The following NR2E3 variants were observed in gnomAD, a reference collection of about 807,000 sequenced individuals.
NR2E3 encodes the protein nuclear receptor subfamily 2 group E member 3.
NR2E3 carries 38 observed loss-of-function variants against 37.6 expected under a neutral mutation model. That is an observed-to-expected ratio of 1.01 (90% CI 0.78 to 1.33). The LOEUF is 1.33. Among genes scored for constraint, NR2E3 ranks in the 40% most tolerant of loss-of-function variants. The pLI is 0.00. For synonymous variants in NR2E3, 235 were observed against 225.1 expected (o/e 1.04, Z -0.39); for missense variants, 562 against 558.7 (o/e 1.01, Z -0.06).
At chr15:71,815,411 T>C (rs1161434947) in intron 7 of NR2E3, among the ~76,000 whole-genome samples, 1 of 152,212 alleles carries the variant, frequency 6.6e-6, no homozygotes, top group Non-Finnish European at 1.5e-5. Flanking sequence ...CTTATGAGCA[T>C]AGGGAGAACG....
Position 71,812,048 on chromosome 15 carries a change from C to T in NR2E3, c.443C>T (p.Ala148Val). 1 of 1,553,590 alleles carries T rather than the reference C, an allele frequency of 6.4e-7. No individual in the cohort carries two copies. The highest frequency in any genetic ancestry group is 1.2e-5 in the South Asian group (1 of 84,198). ...GAGTCCCGGCCGGAGTCCCTGGTGG[C>T]TCCCCCGGCCCCGGCAGGGCGCAGC... Reference protein sequence around the residue: ...NTESRPESLVAPPAPAGRSPR... With the variant: ...NTESRPESLVVPPAPAGRSPR... Residue 148 changes from alanine to valine, a missense_variant, in exon 4 of 8, where the codon GCT becomes GTT. Coordinates refer to ENST00000617575, the MANE Select transcript of NR2E3 (RefSeq NM_014249.4).
At position 71,812,428 on chromosome 15, in the gene NR2E3, G is replaced by A. The variant is rs371945959; in HGVS notation, c.664G>A (p.Glu222Lys). Residue 222 changes from glutamate to lysine, a missense_variant, in exon 5 of 8, where the codon GAG becomes AAG. Coordinates refer to ENST00000617575, the MANE Select transcript of NR2E3 (RefSeq NM_014249.4). Reference sequence around the variant, plus strand: ...CCCCTGCGGCCTGGACAGCATCCATGAGACCTCGGCTCGCCTACTCTTCAT... The same window carrying A: ...CCCCTGCGGCCTGGACAGCATCCATAAGACCTCGGCTCGCCTACTCTTCAT... ...SSPCGLDSIHETSARLLFMAV... is the reference protein window; with the variant it reads ...SSPCGLDSIHKTSARLLFMAV... 3.8e-5 allele frequency: 62 copies of A among 1,613,834 alleles called. No homozygotes were observed. Among genetic ancestry groups the A allele is most frequent in the Middle Eastern group, 1.6e-4 (1 of 6,084 alleles).
rs915445968 is a variant in NR2E3 at position 71,817,925 on chromosome 15, G to C, written c.*241G>C. 3.1e-6 allele frequency: 1 copy of C among 327,424 alleles called. No individual in the cohort carries two copies. The highest frequency in any genetic ancestry group is 5.6e-6 in the Non-Finnish European group (1 of 177,854). 20.3% of individuals were successfully genotyped at this position (327,424 alleles called of 1,614,324 possible). ...CATATAATGAAAAATAATTTAAAAA[G>C]AATGAATTACGGATACATGTGGCAA... is the stretch of plus-strand genomic sequence containing the variant. On this transcript the variant is annotated 3_prime_UTR_variant, in exon 8 of 8. Transcript: ENST00000617575.
At position 71,813,349 on chromosome 15, in the gene NR2E3, C is replaced by T. The variant is rs373126332; in HGVS notation, c.748-40C>T. The T allele has an allele frequency of 1.4e-4, 218 of 1,598,942 alleles. 1 individual carries two copies. Among genetic ancestry groups the T allele is most frequent in the Middle Eastern group, 1.1e-3 (6 of 5,664 alleles). On this transcript the variant is annotated intron_variant, in intron 5 of 7. Transcript: ENST00000617575. This position sits in a 1 kb window ranked among gnomAD's most constrained non-coding sequence, Gnocchi z 4.7. ...GAGGCTCCAGACTGAGCCAGAGAAG[C>T]TGTGTGTCTGCCATAACAGGCACCC...
At position 71,814,059 on chromosome 15, in the gene NR2E3, C is replaced by T. The variant is rs1448244599; in HGVS notation, c.1042C>T (p.Gln348Ter). The T allele has an allele frequency of 6.2e-7, 1 of 1,612,916 alleles. No individual in the cohort carries two copies. The highest frequency in any genetic ancestry group is 1.3e-5 in the African/African-American group (1 of 75,022). The change falls in exon 7 of 8, where the codon CAG (glutamine) becomes TAG (stop). Residue 348 changes from glutamine (Q) to a stop codon, truncating the protein, a stop_gained. Coordinates refer to ENST00000617575, the MANE Select transcript of NR2E3 (RefSeq NM_014249.4). LOFTEE classifies it high-confidence loss of function. ...TGAGCACGTAGAGGCCTTGCAGGAC[C>T]AGTCCCAAGTGATGCTGAGCCAGCA... ...DPEHVEALQD[Q>*]SQVMLSQHSK...
At chr15:71,815,168 G>T (rs752075246) in intron 7 of NR2E3, among the ~76,000 whole-genome samples, 2 of 152,164 alleles carry the variant, frequency 1.3e-5, no homozygotes, top group Non-Finnish European at 2.9e-5. Flanking sequence ...ATGTCATGGA[G>T]CCTCAGCAAG....
In NR2E3 at chr15:71,812,220, C is replaced by G. The variant is rs372602322; in HGVS notation, c.571+44C>G. ...GAGGGCACAGCAGGGCTTGGCTTCC[C>G]GGGTCACAGCAGGGCTGCAGCGCCT... On this transcript the variant is annotated intron_variant, in intron 4 of 7. Coordinates refer to ENST00000617575, the MANE Select transcript of NR2E3 (RefSeq NM_014249.4). 90 of 1,604,092 alleles carry G rather than the reference C, an allele frequency of 5.6e-5. 1 individual carries two copies. The African/African-American group carries it at 8.8e-4, about 16-fold the overall frequency.
Position 71,813,469 on chromosome 15 carries a change from T to C in NR2E3, c.828T>C (p.Pro276=), listed in dbSNP as rs1486864872. ...IQWSLPLDSC[P]LLAPPEASAA... ...GGTCTCTGCCTCTGGACAGCTGTCCTCTGCTGGCACCGCCCGAGGCCTCTG... is the reference window on the plus strand; with the variant it reads ...GGTCTCTGCCTCTGGACAGCTGTCCCCTGCTGGCACCGCCCGAGGCCTCTG... The change falls in exon 6 of 8, where the codon CCT becomes CCC. Residue 276 remains proline, a synonymous_variant. Transcript: ENST00000617575. The surrounding 1 kb of genome is among the most constrained non-coding windows in gnomAD (Gnocchi z 4.7). 1 of 1,610,398 alleles carries C rather than the reference T, an allele frequency of 6.2e-7. No homozygotes were observed. The highest frequency in any genetic ancestry group is 1.7e-5 in the Admixed American group (1 of 59,436).
intron 7 of NR2E3, 116 bp downstream of exon 7, chr15:71,814,233 G>A: frequency 6.8e-7 from 1 of 1,468,192 alleles, no homozygotes; most frequent in East Asian, 2.5e-5. Context: ...CAGTTCAACA[G>A]CATACAGCCA....
rs1186774094 is a variant in NR2E3 at position 71,818,152 on chromosome 15, A to G, written c.*468A>G. On this transcript the variant is annotated 3_prime_UTR_variant, in exon 8 of 8. Transcript: ENST00000617575. ...CAGAAATGTTGATTTTGATCTGGGCAGTGGTTTCACAAATGTATTCATACG... is the reference window on the plus strand; with the variant it reads ...CAGAAATGTTGATTTTGATCTGGGCGGTGGTTTCACAAATGTATTCATACG... 6.5e-6 allele frequency: 1 copy of G among 153,242 alleles called. No individual in the cohort carries two copies. Among genetic ancestry groups the G allele is most frequent in the African/African-American group, 2.4e-5 (1 of 41,444 alleles). 9.5% of individuals were successfully genotyped at this position (153,242 alleles called of 1,614,324 possible). A position where few individuals can be genotyped will look rare whatever the true frequency, so the allele number is the denominator to read the frequency against.
Position 71,813,489 on chromosome 15 carries a change from C to T in NR2E3, c.848C>T (p.Ala283Val), listed in dbSNP as rs1310882430. 6.2e-7 allele frequency: 1 copy of T among 1,611,906 alleles called. No homozygotes were observed. The highest frequency in any genetic ancestry group is 1.1e-5 in the South Asian group (1 of 90,644). ...DSCPLLAPPE[A>V]SAAGGAQGRL... ...TGTCCTCTGCTGGCACCGCCCGAGGCCTCTGCTGCCGGTGGTGCCCAGGGC... is the reference window on the plus strand; with the variant it reads ...TGTCCTCTGCTGGCACCGCCCGAGGTCTCTGCTGCCGGTGGTGCCCAGGGC... The change falls in exon 6 of 8, where the codon GCC (alanine) becomes GTC (valine). Residue 283 changes from alanine to valine, a missense_variant. Ala to Val is a moderately conservative substitution (Grantham distance 64, BLOSUM62 0). Coordinates refer to ENST00000617575, the MANE Select transcript of NR2E3 (RefSeq NM_014249.4). The surrounding 1 kb of genome is among the most constrained non-coding windows in gnomAD (Gnocchi z 4.7).
chr15:71,812,598 C>G, intron 5 of NR2E3, 87 bp downstream of exon 5: 1 of 1,175,144 alleles, frequency 8.5e-7, no homozygotes, highest in Admixed American at 2.7e-5. Flanking sequence ...ACACACATCC[C>G]CACGCCAGTA....
rs1198669544 is a variant in NR2E3, at chr15:71,813,377, G to C, written c.748-12G>C. 6.2e-7 allele frequency: 1 copy of C among 1,609,556 alleles called. No homozygotes were observed. Among genetic ancestry groups the C allele is most frequent in the Admixed American group, 1.7e-5 (1 of 59,476 alleles). On this transcript the variant is annotated splice_polypyrimidine_tract_variant and intron_variant, in intron 5 of 7. Transcript: ENST00000617575. The surrounding 1 kb of genome is among the most constrained non-coding windows in gnomAD (Gnocchi z 4.7). ...TGTGTCTGCCATAACAGGCACCCCT[G>C]TCTGAGCACAGGTGATCCTGCTGGA...
At position 71,810,764 on chromosome 15, in the gene NR2E3, T is replaced by C. The variant is rs1365738203; in HGVS notation, c.21T>C (p.Ala7=). Residue 7 remains alanine (A), a synonymous_variant, in exon 1 of 8, where the codon GCT becomes GCC. Transcript: ENST00000617575. METRPT[A]LMSSTVAAAA... The stretch of plus-strand genomic sequence containing the variant: ...AACCCATGGAGACCAGACCAACAGC[T>C]CTGATGAGCTCCACAGTGGCTGCAG... 1 of 1,573,570 alleles carries C rather than the reference T, an allele frequency of 6.4e-7. No homozygotes were observed. The highest frequency in any genetic ancestry group is 8.6e-7 in the Non-Finnish European group (1 of 1,160,136).
intron 7 of NR2E3, among the ~76,000 whole-genome samples, chr15:71,816,488 CT>C (rs1318666789): frequency 6.6e-6 from 1 of 152,034 alleles, no homozygotes; most frequent in Non-Finnish European, 1.5e-5. Flanking sequence ...TCTCGATCTC[CT>C]GACCTCGTGT....
chr15:71,811,569 G>A lies in NR2E3; in HGVS notation c.205G>A (p.Gly69Ser), dbSNP rs200102936. ...YGIYACNGCSGFFKRSVRRRL... is the reference protein window; with the variant it reads ...YGIYACNGCSSFFKRSVRRRL... ...CATCTATGCCTGCAACGGCTGCAGC[G>A]GCTTCTTCAAGAGGAGCGTACGGCG... The change falls in exon 2 of 8, where the codon GGC becomes AGC. Residue 69 changes from glycine (G) to serine (S), a missense_variant. Gly to Ser is a moderately conservative substitution (Grantham distance 56). Transcript: ENST00000617575. The surrounding 1 kb of genome is among the most constrained non-coding windows in gnomAD (Gnocchi z 5.6). 843 of 1,603,650 alleles carry A rather than the reference G, an allele frequency of 5.3e-4. 1 individual carries two copies. Among genetic ancestry groups the A allele is most frequent in the Non-Finnish European group, 6.7e-4 (790 of 1,175,822 alleles).
At position 71,813,608 on chromosome 15, in the gene NR2E3, A is replaced by G; in HGVS notation, c.967A>G (p.Met323Val). The change falls in exon 6 of 8, where the codon ATG becomes GTG. Residue 323 changes from methionine (M) to valine (V), a missense_variant. Coordinates refer to ENST00000617575, the MANE Select transcript of NR2E3 (RefSeq NM_014249.4). The surrounding 1 kb of genome is among the most constrained non-coding windows in gnomAD (Gnocchi z 4.7). ...GGTGGACCCCACGGAGTTTGCCTGC[A>G]TGAAGGCCTTGGTCCTCTTCAAGCC... is the stretch of plus-strand genomic sequence containing the variant. ...LAVDPTEFAC[M>V]KALVLFKPET... 2 of 1,613,942 alleles carry G rather than the reference A, an allele frequency of 1.2e-6. No homozygotes were observed. The highest frequency in any genetic ancestry group is 2.2e-5 in the East Asian group (1 of 44,882).
In NR2E3 at chr15:71,813,594, C is replaced by T. The variant is rs755224888; in HGVS notation, c.953C>T (p.Thr318Met). The change falls in exon 6 of 8, where the codon ACG (threonine) becomes ATG (methionine). Residue 318 changes from threonine to methionine, a missense_variant. Coordinates refer to ENST00000617575, the MANE Select transcript of NR2E3 (RefSeq NM_014249.4). This position sits in a 1 kb window ranked among gnomAD's most constrained non-coding sequence, Gnocchi z 4.7. The part of the protein sequence containing the change: ...SRFRALAVDP[T>M]EFACMKALVL... ...TTCCGGGCATTGGCGGTGGACCCCA[C>T]GGAGTTTGCCTGCATGAAGGCCTTG... 3.5e-5 allele frequency: 56 copies of T among 1,613,818 alleles called. No individual in the cohort carries two copies. The highest frequency in any genetic ancestry group is 4.2e-5 in the Non-Finnish European group (49 of 1,179,892).
At position 71,811,495 on chromosome 15, in the gene NR2E3, C is replaced by A. The variant is rs202098481; in HGVS notation, c.131C>A (p.Ser44Ter). 2 of 1,559,320 alleles carry A rather than the reference C, an allele frequency of 1.3e-6. No homozygotes were observed. Among genetic ancestry groups the A allele is most frequent in the Non-Finnish European group, 1.7e-6 (2 of 1,152,254 alleles). Residue 44 changes from serine (S) to a stop codon, truncating the protein, a stop_gained, in exon 2 of 8, where the codon TCG becomes TAG. Coordinates refer to ENST00000617575, the MANE Select transcript of NR2E3 (RefSeq NM_014249.4). LOFTEE classifies it high-confidence loss of function. The surrounding 1 kb of genome is among the most constrained non-coding windows in gnomAD (Gnocchi z 5.6). ...CCCTGCCCCTCAGGCGTGAGCCCCT[C>A]GCTCCAGTGCCGCGTGTGCGGAGAC... ...LGEDPTGVSP[S>*]LQCRVCGDSS...
Sources: allele counts gnomAD v4.1 joint callset (sites outside exome capture counted in the v4.1 genomes callset), GRCh38; gene constraint gnomAD v4.1.1; non-coding constraint Gnocchi (gnomAD v3.1); transcripts MANE v1.5; gene names NCBI Gene and HGNC (gene_info 2026-07-23, HGNC 2026-07-21).